SGMS1: variants seen among roughly 807,000 people sequenced by gnomAD.
SGMS1 encodes phosphatidylcholine:ceramide cholinephosphotransferase 1.
In SGMS1, 13 loss-of-function variants were observed where a neutral mutation model predicts 46.2. The ratio of observed to expected loss-of-function variants is 0.28; its 90% CI spans 0.18 to 0.45. The LOEUF (loss-of-function observed/expected upper bound fraction) is 0.45, where lower values mean the gene tolerates loss of function less well. Among genes scored for constraint, SGMS1 ranks in the 20% least tolerant of loss-of-function variants. The pLI, the probability that SGMS1 is intolerant of heterozygous loss-of-function variation, is 1.00. For synonymous variants in SGMS1, 203 were observed against 187.8 expected (o/e 1.08, Z -0.66); for missense variants, 324 against 519.9 (o/e 0.62, Z 3.66).
At chr10:50,619,538 T>C (rs1838828370) in intron 1 of SGMS1, among the ~76,000 whole-genome samples, 1 of 152,086 alleles carries the variant, frequency 6.6e-6, no homozygotes, top group African/African-American at 2.4e-5. Flanking sequence ...GAGAGGGGCC[T>C]GGGGGGTGCT....
intron 2 of SGMS1, among the ~76,000 whole-genome samples, chr10:50,532,769 G>A (rs4935732): frequency 0.19 from 28,801 of 152,212 alleles, 3,145 homozygotes; most frequent in East Asian, 0.24. Flanking sequence ...GTCTTTAGCC[G>A]TAGGCTAAAG....
chr10:50,353,169 C>A (rs1367889480), intron 6 of SGMS1, among the ~76,000 whole-genome samples: 2 of 152,250 alleles, frequency 1.3e-5, no homozygotes, highest in South Asian at 4.1e-4. Flanking sequence ...CCCTGATGAA[C>A]ATCGATGCAA....
chr10:50,351,841 T>C (rs1440846980), intron 6 of SGMS1, among the ~76,000 whole-genome samples: 1 of 152,184 alleles, frequency 6.6e-6, no homozygotes, highest in Non-Finnish European at 1.5e-5. Context: ...CTGCTACTGC[T>C]GGGAGGATTC....
chr10:50,423,028 C>A (rs116863111), intron 6 of SGMS1, among the ~76,000 whole-genome samples: 118 of 152,338 alleles, frequency 7.7e-4, no homozygotes, highest in Non-Finnish European at 1.5e-3. Context: ...AAAGCACTGA[C>A]TTTCTAAATA....
intron 8 of SGMS1, among the ~76,000 whole-genome samples, chr10:50,315,025 C>T (rs1847317165): frequency 6.6e-6 from 1 of 152,170 alleles, no homozygotes; most frequent in Non-Finnish European, 1.5e-5. Context: ...GGGGTGCCTG[C>T]TGTAAATGCA....
chr10:50,345,710 T>C (rs536966991), intron 6 of SGMS1, among the ~76,000 whole-genome samples: 1 of 152,300 alleles, frequency 6.6e-6, no homozygotes, highest in South Asian at 2.1e-4. Flanking sequence ...AATATGCTCA[T>C]TGGAGCATTT....
At chr10:50,322,838 CAAAAAAAA>C (rs58049533) in intron 8 of SGMS1, among the ~76,000 whole-genome samples, 3 of 51,324 alleles carry the variant, frequency 5.8e-5, no homozygotes, top group Non-Finnish European at 8.3e-5. Flanking sequence ...GACTCCGTCT[CAAAAAAAA>C]AAAAAAAAAA....
chr10:50,431,415 G>A (rs1849403106), intron 6 of SGMS1, among the ~76,000 whole-genome samples: 1 of 152,200 alleles, frequency 6.6e-6, no homozygotes, highest in Non-Finnish European at 1.5e-5. Context: ...TAAAAAATGT[G>A]TTTTGAGAAC....
At chr10:50,449,543 G>A (rs377696056) in intron 5 of SGMS1, among the ~76,000 whole-genome samples, 2 of 152,114 alleles carry the variant, frequency 1.3e-5, no homozygotes, top group Non-Finnish European at 2.9e-5. Flanking sequence ...GTCTTGCCCC[G>A]ATACAGCAGG....
At chr10:50,471,246 A>T (rs1020823752) in intron 3 of SGMS1, among the ~76,000 whole-genome samples, 11 of 152,204 alleles carry the variant, frequency 7.2e-5, no homozygotes, top group African/African-American at 2.7e-4. Flanking sequence ...ATGCTGCAGA[A>T]AAGAAGAGGT....
chr10:50,500,551 C>T (rs1485120341), intron 3 of SGMS1, among the ~76,000 whole-genome samples: 1 of 151,954 alleles, frequency 6.6e-6, no homozygotes, highest in Non-Finnish European at 1.5e-5. Context: ...TTTTTCTAAG[C>T]ACTTACATTG....
intron 3 of SGMS1, among the ~76,000 whole-genome samples, chr10:50,477,968 C>T (rs186218358): frequency 6.0e-4 from 91 of 152,248 alleles, no homozygotes; most frequent in African/African-American, 1.9e-3. Context: ...CAGGCTAATA[C>T]ATAGATCATG....
rs191988847 is a variant in SGMS1, at chr10:50,348,047, G to A, written c.-231-3702C>T. 2.0e-5 allele frequency among the ~76,000 whole-genome samples: 3 copies of A among 152,062 alleles called. No individual in the cohort carries two copies. The East Asian group carries it at 5.8e-4, about 29-fold the overall frequency. On this transcript the variant is annotated intron_variant, in intron 6 of 10. Coordinates refer to ENST00000361781, the MANE Select transcript of SGMS1 (RefSeq NM_147156.4). Reference sequence around the variant, plus strand: ...TCCCCTTTCCCCCTACCCTATGACAGGCCCCAGTGTGTAATGTTCTCCTCC... The same window carrying A: ...TCCCCTTTCCCCCTACCCTATGACAAGCCCCAGTGTGTAATGTTCTCCTCC...
chr10:50,464,726 G>T (rs949821737), intron 4 of SGMS1, among the ~76,000 whole-genome samples: 1 of 152,172 alleles, frequency 6.6e-6, no homozygotes, highest in Non-Finnish European at 1.5e-5. Context: ...GAGCCACTGC[G>T]CCTGGCCCGT....
At chr10:50,465,928 CA>C (rs1837323097) in intron 4 of SGMS1, among the ~76,000 whole-genome samples, 2 of 146,648 alleles carry the variant, frequency 1.4e-5, no homozygotes, top group South Asian at 4.3e-4. Context: ...AGAGCTCAGC[CA>C]CAAAAAAAAT....
intron 6 of SGMS1, among the ~76,000 whole-genome samples, chr10:50,361,244 A>G (rs1026614156): frequency 6.6e-6 from 1 of 152,156 alleles, no homozygotes; most frequent in African/African-American, 2.4e-5. Context: ...TGGCAACTGC[A>G]GGTTGGGGAG....
At chr10:50,405,992 C>T (rs1381875550) in intron 6 of SGMS1, among the ~76,000 whole-genome samples, 1 of 152,096 alleles carries the variant, frequency 6.6e-6, no homozygotes, top group Non-Finnish European at 1.5e-5. Flanking sequence ...TGATGAAGTA[C>T]TACTGGAAGG....
intron 2 of SGMS1, among the ~76,000 whole-genome samples, chr10:50,565,963 G>A (rs1348430311): frequency 1.3e-5 from 2 of 152,238 alleles, no homozygotes; most frequent in Non-Finnish European, 2.9e-5. Context: ...TCATCAGGGT[G>A]TCCTCACAAG....
intron 1 of SGMS1, among the ~76,000 whole-genome samples, chr10:50,611,377 A>G (rs1177967993): frequency 1.3e-5 from 2 of 152,180 alleles, no homozygotes; most frequent in African/African-American, 4.8e-5. Context: ...CCCATTTCAC[A>G]TGAGAAAGCC....
Sources: gnomAD v4.1 joint callset for allele counts (sites outside exome capture counted in the v4.1 genomes callset) on GRCh38, gnomAD v4.1.1 for gene constraint, MANE v1.5 for transcripts, NCBI Gene and HGNC (gene_info 2026-07-23, HGNC 2026-07-21) for gene names.